Variants in TRPM3 observed in about 807,000 individuals in gnomAD.
TRPM3 encodes transient receptor potential cation channel subfamily M member 3, also known as long transient receptor potential channel 3.
Under a neutral mutation model 181.2 loss-of-function variants are expected in TRPM3, and 77 were observed. That is an observed-to-expected ratio of 0.42 (90% confidence interval 0.35 to 0.51). The LOEUF (loss-of-function observed/expected upper bound fraction) is 0.51. TRPM3 is among the 20% of genes least tolerant of loss of function. The probability of loss-of-function intolerance (pLI) is 0.01; values close to 1 mark genes in which losing one functional copy is unlikely to be tolerated. For missense variants in TRPM3, 1,759 were observed against 2,196.7 expected (o/e 0.80, Z 3.98); for synonymous variants, 745 against 796.4 (o/e 0.94, Z 1.09).
intron 1 of TRPM3, among the ~76,000 whole-genome samples, chr9:71,080,851 C>T (rs184084559): frequency 1.6e-3 from 245 of 152,298 alleles, no homozygotes; most frequent in African/African-American, 5.7e-3. Flanking sequence ...GCATCAGGCC[C>T]GGTAAATTAT....
At chr9:71,097,395 GTTTAA>G (rs533834012) in intron 1 of TRPM3, among the ~76,000 whole-genome samples, 328 of 152,128 alleles carry the variant, frequency 2.2e-3, no homozygotes, top group Admixed American at 4.1e-3. Flanking sequence ...TTAAGGGTAT[GTTTAA>G]TTTATGTTTG....
intron 17 of TRPM3, among the ~76,000 whole-genome samples, chr9:70,617,622 T>A (rs1295737933): frequency 2.0e-5 from 3 of 152,164 alleles, no homozygotes; most frequent in Non-Finnish European, 4.4e-5. Context: ...AGATGATGGA[T>A]ATGTTAATTT....
chr9:71,401,717 A>G (rs772878281), intron 1 of TRPM3, among the ~76,000 whole-genome samples: 179 of 152,216 alleles, frequency 1.2e-3, no homozygotes, highest in Non-Finnish European at 1.1e-3. Flanking sequence ...CTGAGGTATT[A>G]AAGAATTGGA....
intron 1 of TRPM3, among the ~76,000 whole-genome samples, chr9:71,192,835 C>G (rs1180072315): frequency 6.6e-6 from 1 of 151,878 alleles, no homozygotes; most frequent in Admixed American, 6.6e-5. Context: ...ATTGCCAAGA[C>G]CAGTGCTGTA....
intron 21 of TRPM3, 151 bp downstream of exon 21, chr9:70,598,267 CA>C: frequency 9.5e-7 from 1 of 1,048,406 alleles, no homozygotes; most frequent in East Asian, 2.4e-5. Flanking sequence ...GTCAAACCCC[CA>C]AACATTCAAA....
At chr9:71,299,491 AAG>A (rs2086585110) in intron 1 of TRPM3, among the ~76,000 whole-genome samples, 1 of 151,704 alleles carries the variant, frequency 6.6e-6, no homozygotes. Context: ...AGGAAAATAA[AAG>A]AGAAAAAGAT....
At chr9:71,079,203 G>A (rs2063871610) in intron 1 of TRPM3, among the ~76,000 whole-genome samples, 1 of 152,128 alleles carries the variant, frequency 6.6e-6, no homozygotes, top group Non-Finnish European at 1.5e-5. Flanking sequence ...GTTGGTGGCT[G>A]GAACTTGGGT....
At chr9:71,041,523 T>A (rs1354768412) in intron 1 of TRPM3, among the ~76,000 whole-genome samples, 2 of 152,162 alleles carry the variant, frequency 1.3e-5, no homozygotes, top group South Asian at 2.1e-4. Context: ...AGTATGTTTT[T>A]CTGACTAACT....
rs145331664 is a variant in TRPM3 at position 71,352,418 on chromosome 9, G to T, written c.183+94235C>A. Among the ~76,000 whole-genome samples the T allele has an allele frequency of 6.4e-3, 968 of 152,120 alleles. 7 individuals carry two copies. Among genetic ancestry groups the T allele is most frequent in the African/African-American group, 0.021 (884 of 41,528 alleles). Reference sequence around the variant, plus strand: ...TCCCTGGAAAGAATAGCACAGAGATGTCACTGAGGTTATTGAAAATGATGA... The same window carrying T: ...TCCCTGGAAAGAATAGCACAGAGATTTCACTGAGGTTATTGAAAATGATGA... On this transcript the variant is annotated intron_variant, in intron 1 of 24. Transcript: ENST00000357533.
chr9:70,971,442 G>T (rs558939932), intron 1 of TRPM3, among the ~76,000 whole-genome samples: 1 of 151,798 alleles, frequency 6.6e-6, no homozygotes, highest in Admixed American at 6.6e-5. Context: ...TCTATTCACC[G>T]CTAGGAACAC....
intron 1 of TRPM3, among the ~76,000 whole-genome samples, chr9:71,028,121 C>T (rs2134620842): frequency 6.6e-6 from 1 of 152,240 alleles, no homozygotes; most frequent in East Asian, 1.9e-4. Context: ...GGCATCTTAG[C>T]AAAAACCATA....
At chr9:71,132,283 C>T (rs755596895) in intron 1 of TRPM3, among the ~76,000 whole-genome samples, 8 of 152,208 alleles carry the variant, frequency 5.3e-5, no homozygotes, top group Non-Finnish European at 1.2e-4. Context: ...GCCTTATGCT[C>T]CATGGCCCCT....
chr9:70,853,940 T>C (rs2095313901), intron 3 of TRPM3, among the ~76,000 whole-genome samples: 1 of 152,218 alleles, frequency 6.6e-6, no homozygotes, highest in African/African-American at 2.4e-5. Flanking sequence ...TTTGAGATTA[T>C]CTGAGGATTT....
intron 4 of TRPM3, among the ~76,000 whole-genome samples, chr9:70,846,153 A>G (rs2094943747): frequency 6.6e-6 from 1 of 152,244 alleles, no homozygotes; most frequent in Non-Finnish European, 1.5e-5. Flanking sequence ...ATAGTCAACT[A>G]TTAAATATCC....
At chr9:70,542,704 T>C (rs924132904) in intron 25 of TRPM3, among the ~76,000 whole-genome samples, 1 of 152,216 alleles carries the variant, frequency 6.6e-6, no homozygotes, top group African/African-American at 2.4e-5. Flanking sequence ...TGTGGTAAAA[T>C]AACAGAGTAT....
chr9:70,803,487 A>G (rs1588571338), intron 6 of TRPM3, among the ~76,000 whole-genome samples: 1 of 128,536 alleles, frequency 7.8e-6, no homozygotes, highest in African/African-American at 3.0e-5. Flanking sequence ...AGTCTCGCTC[A>G]GCCTGGGCTG....
intron 1 of TRPM3, among the ~76,000 whole-genome samples, chr9:71,417,356 AT>A (rs1379679946): frequency 1.2e-4 from 18 of 151,946 alleles, no homozygotes; most frequent in Admixed American, 1.2e-3. Flanking sequence ...GTGATATCTC[AT>A]TATGGTTTTA....
chr9:71,438,991 G>T (rs547016644), intron 1 of TRPM3, among the ~76,000 whole-genome samples: 1 of 152,216 alleles, frequency 6.6e-6, no homozygotes, highest in South Asian at 2.1e-4. Flanking sequence ...AATACATAAA[G>T]AATCCAGTAA....
At position 70,551,911 on chromosome 9, in the gene TRPM3, T is replaced by C. The variant is rs538320249; in HGVS notation, c.3574+933A>G. 2.0e-5 allele frequency among the ~76,000 whole-genome samples: 3 copies of C among 152,332 alleles called. No individual in the cohort carries two copies. The East Asian group carries it at 5.8e-4, about 29-fold the overall frequency. On this transcript the variant is annotated intron_variant, in intron 24 of 25. Coordinates refer to ENST00000677713, the MANE Select transcript of TRPM3 (RefSeq NM_001366145.2). ...TTCCCAGGTCTCTCTAATGTAAATG[T>C]CTAGAAAGAAGTTGGGCATTGCAAG...
Sources: allele counts gnomAD v4.1 joint callset (sites outside exome capture counted in the v4.1 genomes callset), GRCh38; gene constraint gnomAD v4.1.1; transcripts MANE v1.5; gene names NCBI Gene and HGNC (gene_info 2026-07-23, HGNC 2026-07-21).